The following ITPR1 variants were observed in gnomAD, a reference collection of about 807,000 sequenced individuals.
The protein encoded by ITPR1 is inositol 1,4,5-trisphosphate receptor type 1, also known as inositol 1,4,5-trisphosphate-gated calcium channel ITPR1.
A neutral mutation model predicts 318.4 loss-of-function variants in ITPR1; 96 were observed. The ratio of observed to expected loss-of-function variants is 0.30; its 90% CI spans 0.26 to 0.36. ITPR1 has a LOEUF of 0.36. Among genes scored for constraint, ITPR1 ranks in the 10% least tolerant of loss-of-function variants. The pLI is 1.00. For synonymous variants in ITPR1, 1,312 were observed against 1,289.9 expected (o/e 1.02, Z -0.37); for missense variants, 2,440 against 3,460.2 (o/e 0.71, Z 7.40).
At chr3:4,631,167 T>C (rs570808035) in intron 5 of ITPR1, among the ~76,000 whole-genome samples, 1 of 152,336 alleles carries the variant, frequency 6.6e-6, no homozygotes, top group Admixed American at 6.5e-5. Context: ...TCTCAGCTCT[T>C]TGGGCGACTG....
At chr3:4,783,991 C>A (rs1043425421) in intron 51 of ITPR1, 71 bp downstream of exon 51, 4 of 1,035,532 alleles carry the variant, frequency 3.9e-6, no homozygotes, top group Admixed American at 2.2e-5. Flanking sequence ...TGCTCTGGGG[C>A]TGGCGTGCAT....
intron 51 of ITPR1, 73 bp downstream of exon 51, chr3:4,783,993 G>A (rs2047000843): frequency 4.9e-6 from 5 of 1,015,520 alleles, no homozygotes; most frequent in South Asian, 3.0e-5. Context: ...CTCTGGGGCT[G>A]GCGTGCATTC....
intron 4 of ITPR1, among the ~76,000 whole-genome samples, chr3:4,546,311 C>G (rs929177134): frequency 1.3e-5 from 2 of 152,102 alleles, no homozygotes; most frequent in Non-Finnish European, 2.9e-5. Context: ...TGTGAGCACT[C>G]GAACCTGTCA....
chr3:4,604,279 A>G (rs954709268), intron 4 of ITPR1, among the ~76,000 whole-genome samples: 7 of 152,112 alleles, frequency 4.6e-5, no homozygotes, highest in African/African-American at 1.4e-4. Context: ...AAGATGCTGG[A>G]CCTATGCTTG....
chr3:4,762,557 A>C (rs1041236467), intron 44 of ITPR1, among the ~76,000 whole-genome samples: 23 of 152,162 alleles, frequency 1.5e-4, no homozygotes, highest in African/African-American at 4.6e-4. Context: ...ACATTCTACT[A>C]ATGTAATGGT....
At position 4,601,175 on chromosome 3, in the gene ITPR1, C is replaced by CT. The variant is rs68165287; in HGVS notation, c.164-26571dup. On this transcript the variant is annotated intron_variant, in intron 4 of 61. Transcript: ENST00000649015. The stretch of plus-strand genomic sequence containing the variant: ...GAACAATTAAATGGGGAAAAATATT[C>CT]TTTTTTTTTTTTTTTTTGGCACTGG... Among the ~76,000 whole-genome samples, 1,133 of 119,740 alleles carry CT rather than the reference C, an allele frequency of 9.5e-3. 52 individuals are homozygous for CT. Among genetic ancestry groups the CT allele is most frequent in the East Asian group, 0.042 (175 of 4,126 alleles). The allele number at this position is 119,740 out of a possible 152,430, so 78.6% of individuals were successfully genotyped here. A position where few individuals can be genotyped will look rare whatever the true frequency, so the allele number is the denominator to read the frequency against.
Position 4,815,112 on chromosome 3 carries a change from CATT to C in ITPR1, c.7762_7764del (p.Ile2588del). ...TCTTGTTCTTCTTCATGGTCATCAT[CATT>C]GTTCTTAACCTGATTTTTGGGGTTA... is the stretch of plus-strand genomic sequence containing the variant. On this transcript the variant is annotated inframe_deletion, in exon 59 of 62. Transcript: ENST00000649015. The C allele has an allele frequency of 6.2e-7, 1 of 1,613,814 alleles. No individual in the cohort carries two copies. The highest frequency in any genetic ancestry group is 8.5e-7 in the Non-Finnish European group (1 of 1,179,752).
intron 60 of ITPR1, among the ~76,000 whole-genome samples, chr3:4,832,939 C>G (rs555444023): frequency 1.3e-5 from 2 of 152,296 alleles, no homozygotes; most frequent in East Asian, 1.9e-4. Flanking sequence ...AGCACACACT[C>G]TTTAGACACT....
intron 47 of ITPR1, among the ~76,000 whole-genome samples, chr3:4,776,306 G>A (rs1257935081): frequency 3.3e-5 from 5 of 152,098 alleles, no homozygotes; most frequent in Non-Finnish European, 5.9e-5. Context: ...TTCTGACCTC[G>A]TGATCCACCC....
chr3:4,572,568 T>C (rs2088139153), intron 4 of ITPR1, among the ~76,000 whole-genome samples: 1 of 152,168 alleles, frequency 6.6e-6, no homozygotes, highest in South Asian at 2.1e-4. Context: ...ATAATGTGAG[T>C]TTCATTTTTT....
intron 46 of ITPR1, among the ~76,000 whole-genome samples, chr3:4,769,438 A>G (rs2046043798): frequency 1.3e-5 from 2 of 152,244 alleles, no homozygotes; most frequent in African/African-American, 2.4e-5. Flanking sequence ...AATTAAATAT[A>G]TTAGATTTCT....
intron 12 of ITPR1, among the ~76,000 whole-genome samples, chr3:4,657,178 A>C (rs915976684): frequency 6.6e-6 from 1 of 152,030 alleles, no homozygotes; most frequent in African/African-American, 2.4e-5. Flanking sequence ...CTTCTCAAAT[A>C]TTTCTTTTGG....
rs528015193 is a variant in ITPR1, at chr3:4,525,552, T to C, written c.163+4458T>C. ...CATCTGTTTCACATAAGCCACATCTTTTTCATCTGAATGAATTTTGGACAA... is the reference window on the plus strand; with the variant it reads ...CATCTGTTTCACATAAGCCACATCTCTTTCATCTGAATGAATTTTGGACAA... On this transcript the variant is annotated intron_variant, in intron 4 of 61. Transcript: ENST00000649015. Among the ~76,000 whole-genome samples, 13 of 152,296 alleles carry C rather than the reference T, an allele frequency of 8.5e-5. No individual in the cohort carries two copies. In the South Asian group the frequency reaches 2.7e-3, roughly 32 times the overall value.
chr3:4,581,238 G>C (rs575771840), intron 4 of ITPR1, among the ~76,000 whole-genome samples: 1 of 152,198 alleles, frequency 6.6e-6, no homozygotes, highest in East Asian at 1.9e-4. Context: ...GGCAAGGTCA[G>C]CACCTTCTGT....
rs890033005 is a variant in ITPR1, at chr3:4,762,087, T to C, written c.5545-4443T>C. On this transcript the variant is annotated intron_variant, in intron 44 of 61. Transcript: ENST00000649015. ...TGTTAGTTCTTTACCCACACTACCA[T>C]CATGTTTCACTTCTACTCTTGCAAT... 4.6e-5 allele frequency among the ~76,000 whole-genome samples: 7 copies of C among 152,190 alleles called. No homozygotes were observed. In the East Asian group the frequency reaches 1.3e-3, roughly 29 times the overall value.
intron 60 of ITPR1, among the ~76,000 whole-genome samples, chr3:4,833,845 C>CT (rs1411103832): frequency 1.3e-5 from 2 of 152,218 alleles, no homozygotes; most frequent in African/African-American, 4.8e-5. Flanking sequence ...TACTTGGACA[C>CT]TACTCTCTCT....
chr3:4,751,673 C>T (rs1302996811), intron 44 of ITPR1: 1 of 152,234 alleles, frequency 6.6e-6, no homozygotes, highest in East Asian at 1.9e-4. Flanking sequence ...GAGACATCTG[C>T]ATAAAATATC....
intron 4 of ITPR1, among the ~76,000 whole-genome samples, chr3:4,592,863 G>T (rs2090499775): frequency 6.6e-6 from 1 of 152,172 alleles, no homozygotes; most frequent in South Asian, 2.1e-4. Context: ...GAGATTGAGT[G>T]AATTCCATCC....
At chr3:4,499,354 G>C (rs974468929) in intron 2 of ITPR1, among the ~76,000 whole-genome samples, 2 of 151,978 alleles carry the variant, frequency 1.3e-5, no homozygotes, top group African/African-American at 4.8e-5. Context: ...TCTCTCATTT[G>C]GTAAATTACC....
Sources: gnomAD v4.1 joint callset for allele counts (sites outside exome capture counted in the v4.1 genomes callset) on GRCh38, gnomAD v4.1.1 for gene constraint, MANE v1.5 for transcripts, NCBI Gene and HGNC (gene_info 2026-07-23, HGNC 2026-07-21) for gene names.